Variants in SAP30BP observed in about 807,000 individuals in gnomAD.
The protein encoded by SAP30BP is SAP30-binding protein.
SAP30BP carries 31 observed loss-of-function variants against 46.3 expected under a neutral mutation model. That is an observed-to-expected ratio of 0.67 (90% CI 0.50 to 0.90). SAP30BP has a LOEUF of 0.90. SAP30BP is among the 40% of genes least tolerant of loss of function. The pLI is 0.00. For synonymous variants in SAP30BP, 169 were observed against 144.2 expected (o/e 1.17, Z -1.23); for missense variants, 312 against 391.0 (o/e 0.80, Z 1.70).
At chr17:75,682,882 G>A (rs1293190319) in intron 3 of SAP30BP, among the ~76,000 whole-genome samples, 1 of 148,978 alleles carries the variant, frequency 6.7e-6, no homozygotes, top group Non-Finnish European at 1.5e-5. Flanking sequence ...AGAATCACTT[G>A]AAGCAGGGAG....
At chr17:75,687,311 C>T (rs2060171181) in intron 3 of SAP30BP, among the ~76,000 whole-genome samples, 1 of 152,044 alleles carries the variant, frequency 6.6e-6, no homozygotes, top group Non-Finnish European at 1.5e-5. Context: ...GCATTAGGCC[C>T]AGTGTTCGGA....
rs557334867 is a variant in SAP30BP, at chr17:75,686,869, G to T, written c.265-6571G>T. ...GAGCTGTTGACAGCTCTCACTCCTA[G>T]CCCCCAACCATGTCTCTGTCAAACC... On this transcript the variant is annotated intron_variant, in intron 3 of 10. Coordinates refer to ENST00000584667, the MANE Select transcript of SAP30BP (RefSeq NM_013260.8). Among the ~76,000 whole-genome samples, 4 of 152,318 alleles carry T rather than the reference G, an allele frequency of 2.6e-5. No homozygotes were observed. In the South Asian group the frequency reaches 8.3e-4, roughly 32 times the overall value.
rs1048553228 is a variant in SAP30BP, at chr17:75,706,717, C to T, written c.*196C>T. The T allele has an allele frequency of 3.4e-6, 2 of 592,104 alleles. No individual in the cohort carries two copies. The highest frequency in any genetic ancestry group is 3.1e-5 in the Admixed American group (1 of 32,586). The allele number at this position is 592,104 out of a possible 1,614,324, so 36.7% of individuals were successfully genotyped here. A position where few individuals can be genotyped will look rare whatever the true frequency, so the allele number is the denominator to read the frequency against. The stretch of plus-strand genomic sequence containing the variant: ...GCTGTGGACAGGGTCTGTCCACGCA[C>T]CACCTGGGGTCTGCCGCCTATTAAA... On this transcript the variant is annotated 3_prime_UTR_variant, in exon 11 of 11. Coordinates refer to ENST00000584667, the MANE Select transcript of SAP30BP (RefSeq NM_013260.8). This position sits in a 1 kb window ranked among gnomAD's most constrained non-coding sequence, Gnocchi z 4.6.
At chr17:75,668,914 A>G (rs1255444185) in intron 2 of SAP30BP, among the ~76,000 whole-genome samples, 3 of 152,202 alleles carry the variant, frequency 2.0e-5, no homozygotes, top group Non-Finnish European at 4.4e-5. Flanking sequence ...TTCCCTGTTT[A>G]AATGATTTAC....
At position 75,693,221 on chromosome 17, in the gene SAP30BP, C is replaced by T. The variant is rs186871564; in HGVS notation, c.265-219C>T. 1,022 of 542,682 alleles carry T rather than the reference C, an allele frequency of 1.9e-3. 2 individuals carry two copies. Among genetic ancestry groups the T allele is most frequent in the Non-Finnish European group, 2.7e-3 (799 of 299,512 alleles). The allele number at this position is 542,682 out of a possible 1,614,324, so 33.6% of individuals were successfully genotyped here. ...CACTGAAAAGGCATGGAGGAGAGAC[C>T]GGCGTGGGGCTCGGGAGCATCCGGC... is the stretch of plus-strand genomic sequence containing the variant. On this transcript the variant is annotated intron_variant, in intron 3 of 10. Coordinates refer to ENST00000584667, the MANE Select transcript of SAP30BP (RefSeq NM_013260.8).
chr17:75,674,127 C>T (rs1459446491), intron 3 of SAP30BP, among the ~76,000 whole-genome samples: 1 of 152,052 alleles, frequency 6.6e-6, no homozygotes, highest in African/African-American at 2.4e-5. Context: ...CTCGTGGCAT[C>T]TCCAAGGACT....
At position 75,671,314 on chromosome 17, in the gene SAP30BP, G is replaced by A. The variant is rs1211484277; in HGVS notation, c.217-502G>A. The stretch of plus-strand genomic sequence containing the variant: ...TGTTTGTGCAAATGCCGGTTGAGGT[G>A]CTGCGATACAGCTGTGTGTAAGCCT... On this transcript the variant is annotated intron_variant, in intron 2 of 10. Transcript: ENST00000584667. 2.6e-5 allele frequency among the ~76,000 whole-genome samples: 4 copies of A among 152,314 alleles called. No homozygotes were observed. The East Asian group carries it at 7.7e-4, about 29-fold the overall frequency.
chr17:75,688,062 C>T (rs551115791), intron 3 of SAP30BP, among the ~76,000 whole-genome samples: 27 of 152,150 alleles, frequency 1.8e-4, no homozygotes, highest in South Asian at 4.2e-4. Context: ...TTGTCTTCAT[C>T]GGCCAGGTGA....
chr17:75,690,070 A>G (rs8077331), intron 3 of SAP30BP, among the ~76,000 whole-genome samples: 102,078 of 152,092 alleles, frequency 0.67, 34,491 homozygotes, highest in East Asian at 0.84. Flanking sequence ...TCATTACACA[A>G]TAATATATCC....
At position 75,704,807 on chromosome 17, in the gene SAP30BP, G is replaced by A. The variant is rs2060469829; in HGVS notation, c.653G>A (p.Arg218Gln). Reference sequence around the variant, plus strand: ...AAATTGGAAAAGGCCAAAAAGGAGCGAACAAAAGTAAGTGATGGCAGACCT... The same window carrying A: ...AAATTGGAAAAGGCCAAAAAGGAGCAAACAAAAGTAAGTGATGGCAGACCT... ...MDKLEKAKKE[R>Q]TKIEFVTGTK... Residue 218 changes from arginine to glutamine, a missense_variant, in exon 9 of 11, where the codon CGA becomes CAA. Arg to Gln is a conservative substitution (Grantham distance 43, BLOSUM62 1). This residue lies in a region of SAP30BP where 296 missense variants were observed against 346.6 expected (regional missense o/e 0.85). Transcript: ENST00000584667. 6.2e-7 allele frequency: 1 copy of A among 1,612,950 alleles called. No homozygotes were observed. The highest frequency in any genetic ancestry group is 8.5e-7 in the Non-Finnish European group (1 of 1,179,308).
In SAP30BP at chr17:75,706,852, T is replaced by A; in HGVS notation, c.*331T>A. 3.1e-6 allele frequency: 1 copy of A among 322,082 alleles called. No homozygotes were observed. Among genetic ancestry groups the A allele is most frequent in the Non-Finnish European group, 5.8e-6 (1 of 172,064 alleles). 20.0% of individuals were successfully genotyped at this position (322,082 alleles called of 1,614,324 possible). On this transcript the variant is annotated 3_prime_UTR_variant, in exon 11 of 11. Transcript: ENST00000584667. The surrounding 1 kb of genome is among the most constrained non-coding windows in gnomAD (Gnocchi z 4.6). ...TCCCCCAAGACTCAATAGTCTTGGTTGGGACTATTGCCTCAGGGTTGACAA... is the reference window on the plus strand; with the variant it reads ...TCCCCCAAGACTCAATAGTCTTGGTAGGGACTATTGCCTCAGGGTTGACAA...
At chr17:75,682,057 AT>A (rs577647608) in intron 3 of SAP30BP, among the ~76,000 whole-genome samples, 23 of 151,606 alleles carry the variant, frequency 1.5e-4, no homozygotes, top group African/African-American at 5.3e-4. Flanking sequence ...GGACAGAGTT[AT>A]TTTTTTATAA....
intron 3 of SAP30BP, among the ~76,000 whole-genome samples, chr17:75,676,511 CTA>C (rs1163906172): frequency 6.6e-6 from 1 of 152,212 alleles, no homozygotes; most frequent in Non-Finnish European, 1.5e-5. Context: ...TCAATATGTG[CTA>C]TCAGAGCTTT....
chr17:75,690,535 C>T (rs1166386276), intron 3 of SAP30BP: 2 of 376,684 alleles, frequency 5.3e-6, no homozygotes, highest in Non-Finnish European at 1.0e-5. Flanking sequence ...ACAGGCTGGT[C>T]TCAAACTCCT....
chr17:75,691,662 G>A (rs774418246), intron 3 of SAP30BP: 43 of 365,958 alleles, frequency 1.2e-4, no homozygotes, highest in Admixed American at 2.9e-4. Flanking sequence ...AGGGGTGGGT[G>A]TGGTATGGTG....
intron 9 of SAP30BP, 121 bp downstream of exon 9, chr17:75,704,935 T>C (rs2148423582): frequency 1.3e-6 from 1 of 775,706 alleles, no homozygotes. Flanking sequence ...CACCCGGCGA[T>C]GCTCTGAGCC....
At chr17:75,705,869 C>A (rs1370693753) in intron 9 of SAP30BP, 139 bp from the exon 10 acceptor site, 4 of 1,276,524 alleles carry the variant, frequency 3.1e-6, no homozygotes, top group South Asian at 2.8e-5. Context: ...CGCCCTACCC[C>A]AGATGGGCAG....
intron 3 of SAP30BP, among the ~76,000 whole-genome samples, chr17:75,683,050 A>ATTTT (rs139510164): frequency 3.6e-5 from 5 of 137,468 alleles, no homozygotes; most frequent in East Asian, 4.2e-4. Context: ...TTATTTATTT[A>ATTTT]TTTATTTTTT....
At chr17:75,681,974 A>G (rs2060082723) in intron 3 of SAP30BP, among the ~76,000 whole-genome samples, 2 of 151,286 alleles carry the variant, frequency 1.3e-5, no homozygotes, top group South Asian at 4.2e-4. Context: ...AGCCCTGACA[A>G]CTGAGAATTA....
Sources: gnomAD v4.1 joint callset for allele counts (sites outside exome capture counted in the v4.1 genomes callset) on GRCh38, gnomAD v4.1.1 for gene constraint, gnomAD v4.1.1 regional missense constraint, Gnocchi (gnomAD v3.1) non-coding constraint, MANE v1.5 for transcripts, NCBI Gene and HGNC (gene_info 2026-07-23, HGNC 2026-07-21) for gene names.